Variants in PREX2 observed in about 807,000 individuals in gnomAD.
PREX2 encodes phosphatidylinositol 3,4,5-trisphosphate-dependent Rac exchanger 2 protein.
Under a neutral mutation model 203.2 loss-of-function variants are expected in PREX2, and 107 were observed. The ratio of observed to expected loss-of-function variants is 0.53; its 90% CI spans 0.45 to 0.62. The LOEUF (loss-of-function observed/expected upper bound fraction) is 0.62, where lower values mean the gene tolerates loss of function less well. Ranked by LOEUF, PREX2 falls within the 20% of genes least tolerant of loss-of-function variation. PREX2 has a pLI of 0.00. For missense variants in PREX2, 1,777 were observed against 1,955.9 expected, an observed-to-expected ratio of 0.91 and a Z score of 1.72; for synonymous variants, 672 against 663.6, an observed-to-expected ratio of 1.01 and a Z score of -0.19.
intron 14 of PREX2, among the ~76,000 whole-genome samples, chr8:68,075,753 G>A (rs1809330403): frequency 6.6e-6 from 1 of 152,284 alleles, no homozygotes; most frequent in South Asian, 2.1e-4. Context: ...AAAACAGCTC[G>A]ATTTTTGAAG....
At chr8:68,146,458 A>T (rs879077718) in intron 34 of PREX2, 106 bp downstream of exon 34, 1 of 1,015,240 alleles carries the variant, frequency 9.8e-7, no homozygotes, top group South Asian at 1.6e-5. Context: ...TTAATTTGAA[A>T]ATATTATTTA....
chr8:68,178,564 G>A (rs1812026457), intron 35 of PREX2, among the ~76,000 whole-genome samples: 1 of 151,936 alleles, frequency 6.6e-6, no homozygotes, highest in Non-Finnish European at 1.5e-5. Flanking sequence ...TCTGCAGGTT[G>A]TCTGCTCTGA....
At position 68,067,297 on chromosome 8, in the gene PREX2, A is replaced by G. The variant is rs62520752; in HGVS notation, c.1340-1736A>G. On this transcript the variant is annotated intron_variant, in intron 11 of 39. Transcript: ENST00000288368. The stretch of plus-strand genomic sequence containing the variant: ...TTGATAGAAATCACATTGAATCTGT[A>G]GACAGCTTTGAGTAGCAGGGACATT... Among the ~76,000 whole-genome samples the G allele has an allele frequency of 6.5e-3, 985 of 152,240 alleles. 11 individuals carry two copies. The highest frequency in any genetic ancestry group is 9.1e-3 in the Non-Finnish European group (616 of 67,968).
intron 39 of PREX2, among the ~76,000 whole-genome samples, chr8:68,228,536 G>A (rs1461003541): frequency 6.6e-6 from 1 of 152,044 alleles, no homozygotes; most frequent in African/African-American, 2.4e-5. Context: ...GCCGAGGCAG[G>A]CGGATCATGC....
At chr8:67,957,514 C>T (rs1805524928) in intron 1 of PREX2, among the ~76,000 whole-genome samples, 2 of 152,174 alleles carry the variant, frequency 1.3e-5, no homozygotes, top group Non-Finnish European at 2.9e-5. Context: ...CAGATTTGAG[C>T]TTTCGTAAAA....
intron 37 of PREX2, among the ~76,000 whole-genome samples, chr8:68,203,100 G>A (rs1585862387): frequency 6.6e-6 from 1 of 152,100 alleles, no homozygotes; most frequent in East Asian, 1.9e-4. Flanking sequence ...ACACCCCTGG[G>A]ACAGCTCAAT....
At chr8:68,028,286 A>G (rs983802659) in intron 5 of PREX2, among the ~76,000 whole-genome samples, 2 of 151,820 alleles carry the variant, frequency 1.3e-5, no homozygotes, top group Non-Finnish European at 2.9e-5. Flanking sequence ...ACTATTTTAT[A>G]TAAATCAATT....
At chr8:67,985,120 G>A (rs144014114) in intron 1 of PREX2, among the ~76,000 whole-genome samples, 2 of 152,172 alleles carry the variant, frequency 1.3e-5, no homozygotes, top group East Asian at 3.9e-4. Flanking sequence ...AGAGAAAAAC[G>A]CTTTTGGATG....
intron 8 of PREX2, among the ~76,000 whole-genome samples, chr8:68,050,424 TG>T (rs1452952634): frequency 6.8e-6 from 1 of 147,062 alleles, no homozygotes; most frequent in Non-Finnish European, 1.5e-5. Context: ...GAGAGAGGGG[TG>T]GGGGAGGTTC....
At position 68,115,798 on chromosome 8, in the gene PREX2, A is replaced by G. The variant is rs745674375; in HGVS notation, c.3192A>G (p.Thr1064=). The change falls in exon 26 of 40, where the codon ACA becomes ACG. Residue 1064 remains threonine (T), a synonymous_variant. Coordinates refer to ENST00000288368, the MANE Select transcript of PREX2 (RefSeq NM_024870.4). ...ATTCTCCTAAATTAGAACGTAAGAC[A>G]TCAGAGGGCATAATACCAACAGACA... ...ITYSPKLERK[T]SEGIIPTDSD... 6.2e-7 allele frequency: 1 copy of G among 1,613,652 alleles called. No homozygotes were observed. The highest frequency in any genetic ancestry group is 2.2e-5 in the East Asian group (1 of 44,840).
chr8:68,040,808 G>T (rs935371446), intron 7 of PREX2, among the ~76,000 whole-genome samples: 15 of 152,180 alleles, frequency 9.9e-5, no homozygotes, highest in Non-Finnish European at 2.2e-4. Context: ...GCAGACCTGT[G>T]ATAGACAGCT....
chr8:68,008,149 T>C (rs997646870), intron 1 of PREX2, among the ~76,000 whole-genome samples: 1 of 152,168 alleles, frequency 6.6e-6, no homozygotes, highest in Non-Finnish European at 1.5e-5. Flanking sequence ...GACTAGAAAC[T>C]GGACTGCCTG....
At chr8:68,034,843 T>G (rs897940160) in intron 6 of PREX2, among the ~76,000 whole-genome samples, 1 of 152,146 alleles carries the variant, frequency 6.6e-6, no homozygotes, top group Non-Finnish European at 1.5e-5. Flanking sequence ...TGTTTCTTTT[T>G]GTCCTCTGTA....
intron 37 of PREX2, among the ~76,000 whole-genome samples, chr8:68,206,743 A>G (rs1585864672): frequency 6.6e-6 from 1 of 152,208 alleles, no homozygotes; most frequent in East Asian, 1.9e-4. Context: ...TGAGCAAGAA[A>G]AAACTGTGGA....
intron 1 of PREX2, among the ~76,000 whole-genome samples, chr8:67,965,889 T>G (rs943657383): frequency 1.3e-5 from 2 of 152,208 alleles, no homozygotes. Context: ...GAGCATAGCT[T>G]TCAATTAAAA....
chr8:68,160,161 A>G (rs73263337), intron 35 of PREX2, among the ~76,000 whole-genome samples: 6,958 of 152,226 alleles, frequency 0.046, 538 homozygotes, highest in African/African-American at 0.16. Context: ...GTTTTTTCTT[A>G]GTCCAATGGT....
At position 68,134,267 on chromosome 8, in the gene PREX2, A is replaced by G; in HGVS notation, c.3975A>G (p.Ser1325=). ...TTTTTCACTTTCAGTCACTTCTGTCACCAAACTTGGTAAGGAAATCACATG... is the reference window on the plus strand; with the variant it reads ...TTTTTCACTTTCAGTCACTTCTGTCGCCAAACTTGGTAAGGAAATCACATG... The part of the protein sequence containing the change: ...GVLFHFQSLL[S]PNLTDEQAML... The change falls in exon 32 of 40, where the codon TCA becomes TCG. Residue 1325 remains serine, a synonymous_variant. Coordinates refer to ENST00000288368, the MANE Select transcript of PREX2 (RefSeq NM_024870.4). The G allele has an allele frequency of 6.2e-7, 1 of 1,613,656 alleles. No homozygotes were observed. The highest frequency in any genetic ancestry group is 1.1e-5 in the South Asian group (1 of 91,066).
At chr8:68,134,960 ATG>A (rs1427106045) in intron 32 of PREX2, among the ~76,000 whole-genome samples, 1 of 152,192 alleles carries the variant, frequency 6.6e-6, no homozygotes, top group Non-Finnish European at 1.5e-5. Context: ...TTAAAAGCAA[ATG>A]TGTTCACTTT....
intron 23 of PREX2, chr8:68,106,285 T>C (rs1375949703): frequency 2.0e-6 from 1 of 506,238 alleles, no homozygotes; most frequent in Non-Finnish European, 3.9e-6. Context: ...GAAAGAACTT[T>C]TGACTGAAAG....
Sources: gnomAD v4.1 joint callset for allele counts (sites outside exome capture counted in the v4.1 genomes callset) on GRCh38, gnomAD v4.1.1 for gene constraint, MANE v1.5 for transcripts, NCBI Gene and HGNC (gene_info 2026-07-23, HGNC 2026-07-21) for gene names.